The following ASPRV1 variants were observed in gnomAD, a reference collection of about 807,000 sequenced individuals.
ASPRV1 encodes retroviral-like aspartic protease 1.
Under a neutral mutation model 11.0 loss-of-function variants are expected in ASPRV1, and 7 were observed. The observed-to-expected ratio is 0.64, with a 90% confidence interval of 0.36 to 1.20. The LOEUF (loss-of-function observed/expected upper bound fraction) is 1.20, where lower values mean the gene tolerates loss of function less well. ASPRV1 is among the 50% of genes most tolerant of loss of function. The pLI, the probability that ASPRV1 is intolerant of heterozygous loss-of-function variation, is 0.02. For missense variants in ASPRV1, 299 were observed against 320.0 expected, an observed-to-expected ratio of 0.93 and a Z score of 0.50; for synonymous variants, 136 against 138.4, an observed-to-expected ratio of 0.98 and a Z score of 0.12.
chr2:69,965,109 G>A (rs893005822), upstream of ASPRV1, among the ~76,000 whole-genome samples: 4 of 152,150 alleles, frequency 2.6e-5, no homozygotes, highest in African/African-American at 7.2e-5. Flanking sequence ...GTGCAGTGGC[G>A]TGATCTCGGC....
At chr2:69,961,856 C>CTGT, upstream of ASPRV1, 1 of 640,264 alleles carries the variant, frequency 1.6e-6, no homozygotes, top group South Asian at 2.8e-5. Context: ...TACCCTGTAC[C>CTGT]CTCCCTGGCC....
chr2:69,935,605 A>G, the ASPRV1 span: 6 of 649,068 alleles, frequency 9.2e-6, no homozygotes, highest in South Asian at 8.9e-5. Context: ...CAAATGCAAC[A>G]TATTCAAAAC....
At chr2:70,064,026 A>T in the ASPRV1 span, 2 of 152,142 alleles carry the variant, frequency 1.3e-5, no homozygotes, top group East Asian at 3.8e-4. Context: ...TTCTGCCCTC[A>T]GCTACCTGAA....
the ASPRV1 span, among the ~76,000 whole-genome samples, chr2:69,984,619 T>C: frequency 7.4e-6 from 1 of 134,470 alleles, no homozygotes; most frequent in Admixed American, 7.5e-5. Context: ...GCTTTTTTTT[T>C]TTTTTTTTTT....
the ASPRV1 span, among the ~76,000 whole-genome samples, chr2:69,989,376 C>T: frequency 3.9e-5 from 6 of 152,246 alleles, no homozygotes; most frequent in African/African-American, 1.4e-4. Context: ...CACCCATCTC[C>T]CAGGATCAGA....
chr2:70,072,721 C>T, the ASPRV1 span, among the ~76,000 whole-genome samples: 1 of 151,264 alleles, frequency 6.6e-6, no homozygotes, highest in African/African-American at 2.4e-5. Context: ...GATTTCGTCT[C>T]AAAAATAAAA....
the ASPRV1 span, among the ~76,000 whole-genome samples, chr2:69,967,280 C>G: frequency 6.6e-6 from 1 of 152,102 alleles, no homozygotes; most frequent in South Asian, 2.1e-4. Context: ...ATAGGAGGTG[C>G]GGGGCACACT....
the ASPRV1 span, among the ~76,000 whole-genome samples, chr2:70,057,135 C>T: frequency 2.0e-5 from 3 of 151,888 alleles, no homozygotes; most frequent in Non-Finnish European, 2.9e-5. Context: ...GGCATGGTGG[C>T]TCATGCCTGT....
the ASPRV1 span, among the ~76,000 whole-genome samples, chr2:70,075,680 C>G: frequency 2.0e-5 from 3 of 152,000 alleles, no homozygotes; most frequent in African/African-American, 4.8e-5. Flanking sequence ...AACCCTGTCT[C>G]TACTAAAAAT....
At chr2:70,051,163 C>T in the ASPRV1 span, 1 of 152,220 alleles carries the variant, frequency 6.6e-6, no homozygotes, top group East Asian at 1.9e-4. Context: ...CCCTACTTAA[C>T]CGAGATGAAA....
chr2:70,022,865 TA>T, the ASPRV1 span, among the ~76,000 whole-genome samples: 205 of 147,540 alleles, frequency 1.4e-3, 3 homozygotes, highest in Admixed American at 8.3e-3. Flanking sequence ...TCAATAAAGC[TA>T]AAAAAAAAAT....
At chr2:69,956,140 T>C (rs1677930908), downstream of ASPRV1, among the ~76,000 whole-genome samples, 1 of 152,036 alleles carries the variant, frequency 6.6e-6, no homozygotes, top group South Asian at 2.1e-4. Flanking sequence ...TTTGAAGCTG[T>C]CCCCATGGCC....
downstream of ASPRV1, among the ~76,000 whole-genome samples, chr2:69,955,232 G>C (rs984020602): frequency 6.6e-6 from 1 of 152,182 alleles, no homozygotes; most frequent in Non-Finnish European, 1.5e-5. Context: ...CACCTCCCTG[G>C]AGCGTGGAGG....
chr2:69,978,934 CAT>C, the ASPRV1 span, among the ~76,000 whole-genome samples: 1 of 152,196 alleles, frequency 6.6e-6, no homozygotes, highest in Non-Finnish European at 1.5e-5. Context: ...CTTAGATACT[CAT>C]GTGTGTTTCA....
At chr2:69,988,023 G>A in the ASPRV1 span, among the ~76,000 whole-genome samples, 2 of 152,258 alleles carry the variant, frequency 1.3e-5, no homozygotes, top group Non-Finnish European at 2.9e-5. Flanking sequence ...ACAATGGGGA[G>A]AATGTGGAGA....
the ASPRV1 span, among the ~76,000 whole-genome samples, chr2:70,067,659 G>C: frequency 2.0e-4 from 31 of 152,272 alleles, no homozygotes; most frequent in East Asian, 6.0e-3. Context: ...TATATCACTT[G>C]TATAGAGAAT....
chr2:70,007,102 T>A, the ASPRV1 span, among the ~76,000 whole-genome samples: 1 of 152,246 alleles, frequency 6.6e-6, no homozygotes, highest in Admixed American at 6.5e-5. Flanking sequence ...AACAACATAG[T>A]CTGTGGTCAA....
At chr2:70,024,595 C>A in the ASPRV1 span, among the ~76,000 whole-genome samples, 1 of 152,318 alleles carries the variant, frequency 6.6e-6, no homozygotes, top group Non-Finnish European at 1.5e-5. Context: ...CCCCTTCTCA[C>A]TAACCCTCTT....
At chr2:70,044,411 C>A in the ASPRV1 span, among the ~76,000 whole-genome samples, 2 of 152,126 alleles carry the variant, frequency 1.3e-5, no homozygotes, top group South Asian at 4.1e-4. Context: ...GTGCCAGCAC[C>A]CACTGCTATC....
Sources: gnomAD v4.1 joint callset for allele counts (sites outside exome capture counted in the v4.1 genomes callset) on GRCh38, gnomAD v4.1.1 for gene constraint, MANE v1.5 for transcripts, NCBI Gene and HGNC (gene_info 2026-07-23, HGNC 2026-07-21) for gene names.